Variants in MED12L observed in about 807,000 individuals in gnomAD.
MED12L encodes the protein mediator complex subunit 12L.
In MED12L, 60 loss-of-function variants were observed where a neutral mutation model predicts 281.3. That is an observed-to-expected ratio of 0.21 (90% CI 0.17 to 0.26). The LOEUF (loss-of-function observed/expected upper bound fraction) is 0.26, where lower values mean the gene tolerates loss of function less well. Among genes scored for constraint, MED12L ranks in the 10% least tolerant of loss-of-function variants. MED12L has a pLI of 1.00. For missense variants in MED12L, 2,146 were observed against 2,680.9 expected, an observed-to-expected ratio of 0.80 and a Z score of 4.41; for synonymous variants, 974 against 987.2, an observed-to-expected ratio of 0.99 and a Z score of 0.25.
chr3:151,301,495 T>C (rs1273695356), intron 16 of MED12L, among the ~76,000 whole-genome samples: 1 of 152,220 alleles, frequency 6.6e-6, no homozygotes, highest in Non-Finnish European at 1.5e-5. Context: ...GAGAGAAGAC[T>C]GGGAGAAAAT....
In MED12L at chr3:151,218,916, A is replaced by G. The variant is rs1205767852; in HGVS notation, c.2250+25250A>G. On this transcript the variant is annotated intron_variant, in intron 16 of 44. Coordinates refer to ENST00000687756, the MANE Select transcript of MED12L (RefSeq NM_001393769.1). ...AAAAAAAGAGGGGGGGTATACTGTA[A>G]TAGTGTAAGTCTTGAAATTTTCTTC... Among the ~76,000 whole-genome samples the G allele has an allele frequency of 2.7e-5, 4 of 150,232 alleles. No individual in the cohort carries two copies. The East Asian group carries it at 5.9e-4, about 22-fold the overall frequency.
chr3:151,136,285 C>G (rs1716131167), intron 5 of MED12L, among the ~76,000 whole-genome samples: 1 of 152,220 alleles, frequency 6.6e-6, no homozygotes, highest in African/African-American at 2.4e-5. Context: ...AGCCTACCAG[C>G]TTACTTGCAG....
chr3:151,309,288 G>C (rs1051486149), intron 16 of MED12L, among the ~76,000 whole-genome samples: 1 of 152,164 alleles, frequency 6.6e-6, no homozygotes, highest in Non-Finnish European at 1.5e-5. Flanking sequence ...TTGATTTATA[G>C]ATGTAGTAAC....
chr3:151,418,163 C>G (rs943902592), intron 43 of MED12L, among the ~76,000 whole-genome samples: 3 of 152,188 alleles, frequency 2.0e-5, no homozygotes, highest in African/African-American at 7.2e-5. Context: ...TTATTATTCT[C>G]TCTTTCACTC....
intron 3 of MED12L, among the ~76,000 whole-genome samples, chr3:151,119,104 A>T (rs535770771): frequency 6.6e-6 from 1 of 152,210 alleles, no homozygotes; most frequent in Non-Finnish European, 1.5e-5. Context: ...GCTAGATAAC[A>T]TTCGATGATG....
In MED12L at chr3:151,434,951, C is replaced by CTATTGAAAGTTGAGGAATGCTGTT. The variant is rs1719934800; in HGVS notation, c.*2149_*2172dup. 7 of 151,682 alleles carry CTATTGAAAGTTGAGGAATGCTGTT rather than the reference C, an allele frequency of 4.6e-5. No individual in the cohort carries two copies. 9.4% of individuals were successfully genotyped at this position (151,682 alleles called of 1,614,324 possible). On this transcript the variant is annotated 3_prime_UTR_variant, in exon 45 of 45. Transcript: ENST00000687756. ...TACGACTCTAATTAATTCCACGATT[C>CTATTGAAAGTTGAGGAATGCTGTT]TATTGAAAGTTGAGGAATGCTGTTT...
intron 2 of MED12L, among the ~76,000 whole-genome samples, chr3:151,116,064 CAAAAAAAAAAAAA>C (rs59017489): frequency 1.1e-5 from 1 of 92,268 alleles, no homozygotes; most frequent in Non-Finnish European, 2.1e-5. Flanking sequence ...ACTCCATCTC[CAAAAAAAAAAAAA>C]AAAAAAAAAA....
intron 5 of MED12L, among the ~76,000 whole-genome samples, chr3:151,134,873 C>T (rs1715909420): frequency 6.6e-6 from 1 of 152,114 alleles, no homozygotes; most frequent in African/African-American, 2.4e-5. Context: ...TGCTGAAAGC[C>T]TGTGTGAAGG....
intron 2 of MED12L, among the ~76,000 whole-genome samples, chr3:151,107,628 G>A (rs1171469283): frequency 6.6e-6 from 1 of 152,198 alleles, no homozygotes; most frequent in African/African-American, 2.4e-5. Flanking sequence ...GACAGCGTAT[G>A]TGGGATGGCA....
At position 151,193,630 on chromosome 3, in the gene MED12L, C is replaced by T; in HGVS notation, c.2214C>T (p.Arg738=). ...TTCCATCTAATTATGACCTCCTTCG[C>T]CACTTACAGTATGCAACACATTTTC... ...LIFPSNYDLL[R]HLQYATHFPI... is the part of the protein sequence containing the mutation. Residue 738 remains arginine, a synonymous_variant, in exon 16 of 45, where the codon CGC becomes CGT. Coordinates refer to ENST00000687756, the MANE Select transcript of MED12L (RefSeq NM_001393769.1). 2 of 1,614,070 alleles carry T rather than the reference C, an allele frequency of 1.2e-6. No individual in the cohort carries two copies. Among genetic ancestry groups the T allele is most frequent in the Admixed American group, 1.7e-5 (1 of 60,026 alleles).
chr3:151,382,334 G>A (rs1365050411), intron 32 of MED12L, among the ~76,000 whole-genome samples: 10 of 152,036 alleles, frequency 6.6e-5, no homozygotes, highest in East Asian at 5.8e-4. Flanking sequence ...GTTTTTCTTC[G>A]TAAGATCAAT....
chr3:151,338,336 C>T (rs756074078), intron 16 of MED12L: 1 of 1,614,114 alleles, frequency 6.2e-7, no homozygotes. Flanking sequence ...TCTTCACATT[C>T]TTGTCTCTCG....
At chr3:151,121,402 C>G in intron 3 of MED12L, among the ~76,000 whole-genome samples, 1 of 152,186 alleles carries the variant, frequency 6.6e-6, no homozygotes, top group East Asian at 1.9e-4. Flanking sequence ...TTACATCAAT[C>G]ACAAAGATCA....
At chr3:151,336,353 A>G (rs1335109892) in intron 16 of MED12L, among the ~76,000 whole-genome samples, 10 of 152,202 alleles carry the variant, frequency 6.6e-5, no homozygotes, top group Non-Finnish European at 1.3e-4. Flanking sequence ...CTGGTTGGAA[A>G]TGAATACCAC....
At chr3:151,198,836 C>G in intron 16 of MED12L, 1 of 1,613,030 alleles carries the variant, frequency 6.2e-7, no homozygotes, top group South Asian at 1.1e-5. Flanking sequence ...TATTGCTACA[C>G]ATATGAAATT....
intron 16 of MED12L, among the ~76,000 whole-genome samples, chr3:151,344,589 ATGT>A (rs1752301972): frequency 6.6e-6 from 1 of 152,204 alleles, no homozygotes; most frequent in African/African-American, 2.4e-5. Flanking sequence ...ATAGGTTGCT[ATGT>A]GCAGTTTACT....
chr3:151,296,160 T>G (rs1745060184), intron 16 of MED12L, among the ~76,000 whole-genome samples: 1 of 152,262 alleles, frequency 6.6e-6, no homozygotes, highest in Non-Finnish European at 1.5e-5. Flanking sequence ...TTTTTTTTGT[T>G]TACAAGGCTA....
intron 16 of MED12L, among the ~76,000 whole-genome samples, chr3:151,209,131 A>G (rs1438354388): frequency 1.3e-5 from 2 of 152,168 alleles, no homozygotes; most frequent in Non-Finnish European, 2.9e-5. Flanking sequence ...CAGTGAGAAT[A>G]CCTGTCATAT....
chr3:151,180,460 G>A (rs1722578087), intron 11 of MED12L, among the ~76,000 whole-genome samples: 1 of 152,182 alleles, frequency 6.6e-6, no homozygotes, highest in African/African-American at 2.4e-5. Context: ...ATAGGGACAA[G>A]ATCTTTAAAA....
Sources: gnomAD v4.1 joint callset for allele counts (sites outside exome capture counted in the v4.1 genomes callset) on GRCh38, gnomAD v4.1.1 for gene constraint, MANE v1.5 for transcripts, NCBI Gene and HGNC (gene_info 2026-07-23, HGNC 2026-07-21) for gene names.